SREBF2: variants seen among roughly 807,000 people sequenced by gnomAD.
SREBF2 encodes sterol regulatory element binding transcription factor 2.
A neutral mutation model predicts 113.1 loss-of-function variants in SREBF2; 55 were observed. The ratio of observed to expected loss-of-function variants is 0.49; its 90% confidence interval spans 0.39 to 0.61. The LOEUF (loss-of-function observed/expected upper bound fraction) is 0.61, where lower values mean the gene tolerates loss of function less well. Ranked by LOEUF, SREBF2 falls within the 20% of genes least tolerant of loss-of-function variation. SREBF2 has a pLI of 0.00. For synonymous variants in SREBF2, 593 were observed against 605.7 expected, an observed-to-expected ratio of 0.98 and a Z score of 0.31; for missense variants, 1,349 against 1,487.4, an observed-to-expected ratio of 0.91 and a Z score of 1.53.
chr22:41,837,973 G>A (rs1415913802), intron 1 of SREBF2, among the ~76,000 whole-genome samples: 2 of 152,076 alleles, frequency 1.3e-5, no homozygotes, highest in Non-Finnish European at 2.9e-5. Context: ...GTTGATCTCT[G>A]GGGTCTTGTA....
chr22:41,871,555 A>G (rs1391177822), intron 4 of SREBF2, among the ~76,000 whole-genome samples: 1 of 152,242 alleles, frequency 6.6e-6, no homozygotes, highest in Non-Finnish European at 1.5e-5. Context: ...AAATAAGCAC[A>G]TTGTGATATA....
Position 41,875,602 on chromosome 22 carries a change from G to A in SREBF2, c.1264G>A (p.Glu422Lys), listed in dbSNP as rs751254073. The A allele has an allele frequency of 9.9e-6, 16 of 1,614,192 alleles. No individual in the cohort carries two copies. Among genetic ancestry groups the A allele is most frequent in the Non-Finnish European group, 1.3e-5 (15 of 1,180,030 alleles). Residue 422 changes from glutamate (E) to lysine (K), a missense_variant, in exon 7 of 19, where the codon GAG becomes AAG. Coordinates refer to ENST00000361204, the MANE Select transcript of SREBF2 (RefSeq NM_004599.4). ...LVDNEVDLKIEDFNQNVLLMS... is the reference protein window; with the variant it reads ...LVDNEVDLKIKDFNQNVLLMS... ...GGACAATGAGGTGGACCTGAAGATC[G>A]AGGACTTTAATCAGAATGTCCTTCT...
At chr22:41,880,005 C>T (rs1313970106) in intron 9 of SREBF2, among the ~76,000 whole-genome samples, 2 of 152,150 alleles carry the variant, frequency 1.3e-5, no homozygotes, top group African/African-American at 4.8e-5. Context: ...CAAGACCAGC[C>T]TGGGCAACAT....
At chr22:41,858,845 T>A (rs897547734) in intron 1 of SREBF2, among the ~76,000 whole-genome samples, 2 of 152,056 alleles carry the variant, frequency 1.3e-5, no homozygotes, top group Admixed American at 6.6e-5. Context: ...ATTTATTTTT[T>A]AAAAAAGATA....
intron 9 of SREBF2, among the ~76,000 whole-genome samples, chr22:41,879,900 G>A (rs926303830): frequency 1.4e-4 from 21 of 152,170 alleles, no homozygotes; most frequent in Non-Finnish European, 1.5e-5. Context: ...TTAGCTGTGA[G>A]TTTGCCTAAA....
At chr22:41,887,129 C>T (rs928143556) in intron 11 of SREBF2, among the ~76,000 whole-genome samples, 5 of 151,978 alleles carry the variant, frequency 3.3e-5, no homozygotes, top group Admixed American at 6.6e-5. Context: ...GCAGGAGAAT[C>T]GCCTGAACCT....
chr22:41,833,439 C>A lies in SREBF2; in HGVS notation c.88+81C>A. 8.0e-7 allele frequency: 1 copy of A among 1,252,086 alleles called. No homozygotes were observed. Among genetic ancestry groups the A allele is most frequent in the Non-Finnish European group, 1.1e-6 (1 of 901,356 alleles). The allele number at this position is 1,252,086 out of a possible 1,614,324, so 77.6% of individuals were successfully genotyped here. On this transcript the variant is annotated intron_variant, in intron 1 of 18. Coordinates refer to ENST00000361204, the MANE Select transcript of SREBF2 (RefSeq NM_004599.4). The surrounding 1 kb of genome is among the most constrained non-coding windows in gnomAD (Gnocchi z 4.1). ...CGGCGCGCCCGGGTGCGCGTGCGCC[C>A]ACCCCCCGACAGCCCCGGTTCGCGC...
intron 16 of SREBF2, chr22:41,900,845 G>C (rs1050232939): frequency 3.9e-6 from 2 of 507,932 alleles, no homozygotes; most frequent in African/African-American, 3.8e-5. Flanking sequence ...GCCTCTGCAG[G>C]CAGCCTTGGA....
At chr22:41,897,201 G>T (rs200668843) in intron 14 of SREBF2, 40 bp downstream of exon 14, 69 of 1,431,034 alleles carry the variant, frequency 4.8e-5, no homozygotes, top group African/African-American at 4.6e-4. Context: ...AGGGTGCTCA[G>T]TTCAGGTCTT....
chr22:41,833,403 A>G lies in SREBF2; in HGVS notation c.88+45A>G. On this transcript the variant is annotated intron_variant, in intron 1 of 18. Transcript: ENST00000361204. This position sits in a 1 kb window ranked among gnomAD's most constrained non-coding sequence, Gnocchi z 4.1. ...GAGTGCGGGGGCCGCGCGGGGAGGAAGGGGTTACGGCGGCGCGCCCGGGTG... is the reference window on the plus strand; with the variant it reads ...GAGTGCGGGGGCCGCGCGGGGAGGAGGGGGTTACGGCGGCGCGCCCGGGTG... The G allele has an allele frequency of 1.3e-6, 2 of 1,499,780 alleles. No homozygotes were observed. The highest frequency in any genetic ancestry group is 2.6e-5 in the East Asian group (1 of 38,148). The allele number at this position is 1,499,780 out of a possible 1,614,324, so 92.9% of individuals were successfully genotyped here.
chr22:41,867,300 GGTA>G lies in SREBF2; in HGVS notation c.538+23_538+25del. On this transcript the variant is annotated intron_variant, in intron 2 of 18. Coordinates refer to ENST00000361204, the MANE Select transcript of SREBF2 (RefSeq NM_004599.4). ...TTCAAGGTGATTCAGAAGTTAGAAT[GGTA>G]GTGGTTGGTTGGTTCCAATGTTTAT... 8 of 1,613,436 alleles carry G rather than the reference GGTA, an allele frequency of 5.0e-6. No homozygotes were observed. Among genetic ancestry groups the G allele is most frequent in the Non-Finnish European group, 6.8e-6 (8 of 1,179,626 alleles).
rs2077135701 is a variant in SREBF2 at position 41,871,042 on chromosome 22, G to A, written c.867+7G>A. On this transcript the variant is annotated splice_region_variant and intron_variant, in intron 4 of 18. Coordinates refer to ENST00000361204, the MANE Select transcript of SREBF2 (RefSeq NM_004599.4). ...GGCTGCCCTTCAAGTACCAGTAAGA[G>A]CTGCCTTCTCCCCCACCCTCCTCCC... 2 of 1,613,892 alleles carry A rather than the reference G, an allele frequency of 1.2e-6. No homozygotes were observed. Among genetic ancestry groups the A allele is most frequent in the South Asian group, 1.1e-5 (1 of 91,082 alleles).
chr22:41,855,119 T>C (rs67057013), intron 1 of SREBF2, among the ~76,000 whole-genome samples: 19,328 of 151,960 alleles, frequency 0.13, 1,733 homozygotes, highest in Admixed American at 0.31. Context: ...TGTCAGAAAT[T>C]TATTAACATT....
chr22:41,896,109 C>T (rs145112180), intron 13 of SREBF2, among the ~76,000 whole-genome samples: 1 of 151,224 alleles, frequency 6.6e-6, no homozygotes, highest in African/African-American at 2.4e-5. Flanking sequence ...CCACTGCACT[C>T]CAGCCTGGGT....
At chr22:41,863,621 A>G (rs1403416934) in intron 1 of SREBF2, among the ~76,000 whole-genome samples, 12 of 152,234 alleles carry the variant, frequency 7.9e-5, no homozygotes, top group Admixed American at 7.9e-4. Flanking sequence ...GGTTAGTACA[A>G]GCTGCAATAT....
chr22:41,868,477 C>T, intron 2 of SREBF2, 134 bp from the exon 3 acceptor site: 1 of 996,860 alleles, frequency 1.0e-6, no homozygotes, highest in Non-Finnish European at 1.6e-6. Flanking sequence ...TTGTAAATGG[C>T]TGTGCACATC....
intron 1 of SREBF2, among the ~76,000 whole-genome samples, chr22:41,853,891 T>C (rs1044215629): frequency 6.6e-6 from 1 of 151,568 alleles, no homozygotes; most frequent in Non-Finnish European, 1.5e-5. Flanking sequence ...AAAAATTAGC[T>C]GGGCGTGGTG....
intron 11 of SREBF2, among the ~76,000 whole-genome samples, chr22:41,888,893 A>C (rs1187500487): frequency 1.3e-5 from 2 of 152,152 alleles, no homozygotes; most frequent in Non-Finnish European, 2.9e-5. Context: ...GGATAAAGAG[A>C]CTCAGACAGT....
Position 41,884,986 on chromosome 22 carries a change from G to A in SREBF2, c.2183G>A (p.Cys728Tyr). ...LTAAMGLKTRCGGKLGFLASY... is the reference protein window; with the variant it reads ...LTAAMGLKTRYGGKLGFLASY... The stretch of plus-strand genomic sequence containing the variant: ...GCTGCCATGGGGCTCAAGACCCGGT[G>A]TGGAGGCAAGCTGGGCTTCCTGGCC... The change falls in exon 11 of 19, where the codon TGT becomes TAT. Residue 728 changes from cysteine to tyrosine, a missense_variant. Physicochemically the swap from Cys to Tyr is radical, Grantham distance 194. Around this residue, in one of 2 missense-constraint regions of SREBF2, gnomAD observed 650 missense variants for 644.1 expected, o/e 1.01. Coordinates refer to ENST00000361204, the MANE Select transcript of SREBF2 (RefSeq NM_004599.4). 1 of 1,614,196 alleles carries A rather than the reference G, an allele frequency of 6.2e-7. No individual in the cohort carries two copies. Among genetic ancestry groups the A allele is most frequent in the Non-Finnish European group, 8.5e-7 (1 of 1,180,038 alleles).
Sources: gnomAD v4.1 joint callset for allele counts (sites outside exome capture counted in the v4.1 genomes callset) on GRCh38, gnomAD v4.1.1 for gene constraint, gnomAD v4.1.1 regional missense constraint, Gnocchi (gnomAD v3.1) non-coding constraint, MANE v1.5 for transcripts, NCBI Gene and HGNC (gene_info 2026-07-23, HGNC 2026-07-21) for gene names.